Variants in OSBPL5 observed in about 807,000 individuals in gnomAD.
OSBPL5 encodes oxysterol binding protein like 5.
Under a neutral mutation model 111.2 loss-of-function variants are expected in OSBPL5, and 71 were observed. The ratio of observed to expected loss-of-function variants is 0.64; its 90% confidence interval spans 0.53 to 0.78. OSBPL5 has a LOEUF of 0.78. Ranked by LOEUF, OSBPL5 falls within the 30% of genes least tolerant of loss-of-function variation. The probability of loss-of-function intolerance (pLI) is 0.00; values close to 1 mark genes in which losing one functional copy is unlikely to be tolerated. For synonymous variants in OSBPL5, 549 were observed against 513.9 expected (o/e 1.07, Z -0.93); for missense variants, 1,210 against 1,189.3 (o/e 1.02, Z -0.26).
rs1184458369 is a variant in OSBPL5 at position 3,109,485 on chromosome 11, G to C, written c.692-1540C>G. ...TGCCTCTCTGAGCCTCTGCCTTTTCGAGCTCCTGGAGACAGTGAGTTTTTC... is the reference window on the plus strand; with the variant it reads ...TGCCTCTCTGAGCCTCTGCCTTTTCCAGCTCCTGGAGACAGTGAGTTTTTC... On this transcript the variant is annotated intron_variant, in intron 7 of 21. Coordinates refer to ENST00000263650, the MANE Select transcript of OSBPL5 (RefSeq NM_020896.4). This position sits in a 1 kb window ranked among gnomAD's most constrained non-coding sequence, Gnocchi z 7.4. 6.6e-6 allele frequency among the ~76,000 whole-genome samples: 1 copy of C among 152,140 alleles called. No homozygotes were observed. The highest frequency in any genetic ancestry group is 1.9e-4 in the East Asian group (1 of 5,192).
At chr11:3,143,034 G>GA (rs1277792985) in intron 1 of OSBPL5, among the ~76,000 whole-genome samples, 1 of 90,610 alleles carries the variant, frequency 1.1e-5, no homozygotes, top group Non-Finnish European at 2.4e-5. Context: ...CAGGTGCGGG[G>GA]GGGGGCAGAG....
At chr11:3,149,474 A>T (rs1846490770) in intron 1 of OSBPL5, among the ~76,000 whole-genome samples, 1 of 152,148 alleles carries the variant, frequency 6.6e-6, no homozygotes, top group Non-Finnish European at 1.5e-5. Context: ...CATCAACATG[A>T]CCAGAGTGCT....
chr11:3,122,483 G>C (rs1285272643), intron 3 of OSBPL5, 55 bp from the exon 4 acceptor site: 4 of 1,558,750 alleles, frequency 2.6e-6, no homozygotes, highest in Non-Finnish European at 3.5e-6. Context: ...CCCAGGGCTA[G>C]GAGCCCAGGT....
intron 1 of OSBPL5, among the ~76,000 whole-genome samples, chr11:3,163,529 T>TGGGGTGGGGGG (rs1847024987): frequency 9.7e-6 from 1 of 102,832 alleles, no homozygotes; most frequent in Non-Finnish European, 2.0e-5. Flanking sequence ...AGGGGTTGGG[T>TGGGGTGGGGGG]GGGGGGGGCG....
chr11:3,088,092 C>G lies in OSBPL5; in HGVS notation c.*113G>C. The G allele has an allele frequency of 4.6e-6, 5 of 1,085,472 alleles. No homozygotes were observed. Among genetic ancestry groups the G allele is most frequent in the Non-Finnish European group, 6.3e-6 (5 of 798,286 alleles). The allele number at this position is 1,085,472 out of a possible 1,614,324, so 67.2% of individuals were successfully genotyped here. A position where few individuals can be genotyped will look rare whatever the true frequency, so the allele number is the denominator to read the frequency against. The stretch of plus-strand genomic sequence containing the variant: ...GGGTCCCTCCTGCGCCTGGACTCCC[C>G]GTCACAGTGGCTGTGCTTGCCGGGC... On this transcript the variant is annotated 3_prime_UTR_variant, in exon 22 of 22. Coordinates refer to ENST00000263650, the MANE Select transcript of OSBPL5 (RefSeq NM_020896.4).
At position 3,154,469 on chromosome 11, in the gene OSBPL5, C is replaced by T. The variant is rs955152130; in HGVS notation, c.-22+10747G>A. On this transcript the variant is annotated intron_variant, in intron 1 of 21. Coordinates refer to ENST00000263650, the MANE Select transcript of OSBPL5 (RefSeq NM_020896.4). This position sits in a 1 kb window ranked among gnomAD's most constrained non-coding sequence, Gnocchi z 4.9. ...CAAGCGGGGGGCCTCTACAGCTCGC[C>T]CAGGTTCCAGCTGAGCCAGGCCTCT... 6.6e-6 allele frequency among the ~76,000 whole-genome samples: 1 copy of T among 152,230 alleles called. No individual in the cohort carries two copies. Among genetic ancestry groups the T allele is most frequent in the Non-Finnish European group, 1.5e-5 (1 of 68,030 alleles).
chr11:3,140,255 G>T lies in OSBPL5; in HGVS notation c.-21-11086C>A, dbSNP rs1262499393. Among the ~76,000 whole-genome samples, 1 of 152,206 alleles carries T rather than the reference G, an allele frequency of 6.6e-6. No individual in the cohort carries two copies. The highest frequency in any genetic ancestry group is 1.5e-5 in the Non-Finnish European group (1 of 68,028). The stretch of plus-strand genomic sequence containing the variant: ...CAGGCTGCTGAGTTCAGCTCTGGAA[G>T]GGGCAGCCCACAGCAATGCTCTCTG... On this transcript the variant is annotated intron_variant, in intron 1 of 21. Transcript: ENST00000263650. This position sits in a 1 kb window ranked among gnomAD's most constrained non-coding sequence, Gnocchi z 4.5.
intron 1 of OSBPL5, among the ~76,000 whole-genome samples, chr11:3,147,803 G>A (rs1846410895): frequency 6.6e-6 from 1 of 152,216 alleles, no homozygotes; most frequent in African/African-American, 2.4e-5. Flanking sequence ...AAGGCGCTGG[G>A]GAGGAACAGG....
intron 14 of OSBPL5, among the ~76,000 whole-genome samples, chr11:3,097,365 A>G (rs1032424234): frequency 6.6e-6 from 1 of 152,124 alleles, no homozygotes; most frequent in Non-Finnish European, 1.5e-5. Context: ...AGAGTCAAGG[A>G]AACATTTGTA....
At chr11:3,135,516 C>T (rs1214051605) in intron 1 of OSBPL5, among the ~76,000 whole-genome samples, 2 of 151,170 alleles carry the variant, frequency 1.3e-5, no homozygotes, top group African/African-American at 4.9e-5. Context: ...GGGATGGGTG[C>T]CCCTTCCAGG....
chr11:3,120,625 C>G lies in OSBPL5; in HGVS notation c.403-1G>C. On this transcript the variant is annotated splice_acceptor_variant, in intron 5 of 21. Coordinates refer to ENST00000263650, the MANE Select transcript of OSBPL5 (RefSeq NM_020896.4). LOFTEE classifies it high-confidence loss of function. ...TCCAGCTCTTCAGGGTGCCGCGGATCTGCAGGGAGGATGCTGGCGTCGATG... is the reference window on the plus strand; with the variant it reads ...TCCAGCTCTTCAGGGTGCCGCGGATGTGCAGGGAGGATGCTGGCGTCGATG... 1 of 1,612,196 alleles carries G rather than the reference C, an allele frequency of 6.2e-7. No homozygotes were observed. Among genetic ancestry groups the G allele is most frequent in the Non-Finnish European group, 8.5e-7 (1 of 1,179,858 alleles).
At position 3,106,083 on chromosome 11, in the gene OSBPL5, C is replaced by T. The variant is rs1046111876; in HGVS notation, c.1059+1180G>A. Among the ~76,000 whole-genome samples the T allele has an allele frequency of 3.2e-4, 49 of 152,146 alleles. No individual in the cohort carries two copies. The highest frequency in any genetic ancestry group is 1.2e-3 in the African/African-American group (48 of 41,436). On this transcript the variant is annotated intron_variant, in intron 9 of 21. Coordinates refer to ENST00000263650, the MANE Select transcript of OSBPL5 (RefSeq NM_020896.4). This position sits in a 1 kb window ranked among gnomAD's most constrained non-coding sequence, Gnocchi z 8.4. ...TGAGGCCCCCAGGGCCCTCGGTCCA[C>T]TCCCCATAGGCCCATCCTAACCTTC...
chr11:3,153,674 G>A (rs1846659906), intron 1 of OSBPL5, among the ~76,000 whole-genome samples: 1 of 151,924 alleles, frequency 6.6e-6, no homozygotes, highest in Non-Finnish European at 1.5e-5. Context: ...TAAAAATAAT[G>A]AACAGGGCGG....
chr11:3,154,850 G>T lies in OSBPL5; in HGVS notation c.-22+10366C>A, dbSNP rs1846705494. On this transcript the variant is annotated intron_variant, in intron 1 of 21. Coordinates refer to ENST00000263650, the MANE Select transcript of OSBPL5 (RefSeq NM_020896.4). The surrounding 1 kb of genome is among the most constrained non-coding windows in gnomAD (Gnocchi z 4.9). Reference sequence around the variant, plus strand: ...TTAATGGGTGCGGCACACCAACATGGCACATGTATACATATGTAACAAACC... The same window carrying T: ...TTAATGGGTGCGGCACACCAACATGTCACATGTATACATATGTAACAAACC... Among the ~76,000 whole-genome samples, 1 of 152,034 alleles carries T rather than the reference G, an allele frequency of 6.6e-6. No homozygotes were observed. Among genetic ancestry groups the T allele is most frequent in the African/African-American group, 2.4e-5 (1 of 41,362 alleles).
intron 1 of OSBPL5, chr11:3,163,897 G>C (rs1249474004): frequency 6.6e-6 from 1 of 152,362 alleles, no homozygotes; most frequent in Non-Finnish European, 1.5e-5. Flanking sequence ...TGCCACCCCA[G>C]GTTGCCACAA....
chr11:3,108,995 C>T (rs967476482), intron 7 of OSBPL5, among the ~76,000 whole-genome samples: 12 of 152,032 alleles, frequency 7.9e-5, no homozygotes, highest in South Asian at 2.1e-4. Context: ...CTCGAACTCC[C>T]GACCTCAGGT....
At chr11:3,133,961 G>T (rs1210474214) in intron 1 of OSBPL5, among the ~76,000 whole-genome samples, 6 of 150,312 alleles carry the variant, frequency 4.0e-5, no homozygotes, top group Admixed American at 3.9e-4. Flanking sequence ...GGGAGTGGCT[G>T]GGGAAGAAGG....
intron 3 of OSBPL5, among the ~76,000 whole-genome samples, chr11:3,124,310 G>A (rs1414983402): frequency 2.6e-5 from 4 of 152,130 alleles, no homozygotes; most frequent in Non-Finnish European, 4.4e-5. Flanking sequence ...TGGGGTGCCT[G>A]GGGGGCTCTG....
In OSBPL5 at chr11:3,092,393, G is replaced by C; in HGVS notation, c.2259+39C>G. ...AGGGGTGGTGGTGGCCACACGTGCA[G>C]CTAAGACCAGCCCTGGGTGGGGCCT... On this transcript the variant is annotated intron_variant, in intron 19 of 21. Transcript: ENST00000263650. This position sits in a 1 kb window ranked among gnomAD's most constrained non-coding sequence, Gnocchi z 5.4. The C allele has an allele frequency of 6.5e-7, 1 of 1,540,022 alleles. No individual in the cohort carries two copies.
Sources: allele counts gnomAD v4.1 joint callset (sites outside exome capture counted in the v4.1 genomes callset), GRCh38; gene constraint gnomAD v4.1.1; non-coding constraint Gnocchi (gnomAD v3.1); transcripts MANE v1.5; gene names NCBI Gene and HGNC (gene_info 2026-07-23, HGNC 2026-07-21).